Variants in CCNB1IP1 observed in about 807,000 individuals in gnomAD.
CCNB1IP1 encodes cyclin B1 interacting protein 1, also known as E3 ubiquitin-protein ligase CCNB1IP1.
CCNB1IP1 carries 14 observed loss-of-function variants against 25.6 expected under a neutral mutation model. The observed-to-expected ratio is 0.55, with a 90% CI of 0.36 to 0.85. The LOEUF is 0.85. Ranked by LOEUF, CCNB1IP1 falls within the 40% of genes least tolerant of loss-of-function variation. The probability of loss-of-function intolerance (pLI) is 0.01; values close to 1 mark genes in which losing one functional copy is unlikely to be tolerated. For missense variants in CCNB1IP1, 278 were observed against 342.4 expected (o/e 0.81, Z 1.48); for synonymous variants, 119 against 116.1 (o/e 1.02, Z -0.16).
Position 20,316,219 on chromosome 14 carries a change from G to C in CCNB1IP1, c.297+8C>G. On this transcript the variant is annotated splice_region_variant and intron_variant, in intron 5 of 6. Transcript: ENST00000358932. ...ACATGCTCAAGAGAAACTAGACTAA[G>C]CACTAACCTGATATGTCCAGAAGGC... is the stretch of plus-strand genomic sequence containing the variant. 1.2e-6 allele frequency: 2 copies of C among 1,608,868 alleles called. No individual in the cohort carries two copies. The highest frequency in any genetic ancestry group is 1.3e-5 in the African/African-American group (1 of 74,958).
chr14:20,320,846 A>C (rs1408749558), intron 4 of CCNB1IP1, among the ~76,000 whole-genome samples: 1 of 150,012 alleles, frequency 6.7e-6, no homozygotes, highest in Admixed American at 6.7e-5. Flanking sequence ...AATACTTTCC[A>C]TGAGAATCAG....
chr14:20,328,140 A>G (rs138390437), intron 2 of CCNB1IP1, among the ~76,000 whole-genome samples: 412 of 152,298 alleles, frequency 2.7e-3, no homozygotes, highest in African/African-American at 9.4e-3. Context: ...TATCATTTAA[A>G]TTTTACAACC....
At chr14:20,322,913 G>T (rs1030955883) in intron 4 of CCNB1IP1, among the ~76,000 whole-genome samples, 5 of 152,022 alleles carry the variant, frequency 3.3e-5, no homozygotes, top group Non-Finnish European at 2.9e-5. Context: ...GTGAGCCACC[G>T]CACCCAGCCA....
rs369736561 is a variant in CCNB1IP1, at chr14:20,313,616, A to T, written c.483T>A (p.Ser161=). 1.2e-6 allele frequency: 2 copies of T among 1,614,100 alleles called. No homozygotes were observed. Among genetic ancestry groups the T allele is most frequent in the Non-Finnish European group, 1.7e-6 (2 of 1,180,040 alleles). The change falls in exon 6 of 7, where the codon TCT becomes TCA. Residue 161 remains serine, a synonymous_variant. Coordinates refer to ENST00000358932, the MANE Select transcript of CCNB1IP1 (RefSeq NM_021178.5). ...EEYKKKFSDI[S]EKLMERNRQY... is the part of the protein sequence containing the mutation. The stretch of plus-strand genomic sequence containing the variant: ...GACGATTGCGCTCCATAAGTTTCTC[A>T]GAGATGTCACTGAACTTTTTCTTGT...
In CCNB1IP1 at chr14:20,313,730, C is replaced by T. The variant is rs748562394; in HGVS notation, c.369G>A (p.Lys123=). The part of the protein sequence containing the change: ...KAEGHLKQME[K]IYTQQIQSKD... ...TGCTTTGTATTTGCTGAGTATATAT[C>T]TTCTCCATCTGTTTCAGATGGCCCT... The change falls in exon 6 of 7, where the codon AAG becomes AAA. Residue 123 remains lysine (K), a synonymous_variant. Transcript: ENST00000358932. The T allele has an allele frequency of 1.2e-6, 2 of 1,613,342 alleles. No homozygotes were observed. The highest frequency in any genetic ancestry group is 1.3e-5 in the African/African-American group (1 of 74,870).
chr14:20,314,571 C>T (rs1463140664), intron 5 of CCNB1IP1: 1 of 152,062 alleles, frequency 6.6e-6, no homozygotes, highest in Non-Finnish European at 1.5e-5. Flanking sequence ...TTAAAATACA[C>T]CAAAGGTATA....
chr14:20,311,958 A>T (rs1040430330), intron 6 of CCNB1IP1, among the ~76,000 whole-genome samples: 2 of 152,236 alleles, frequency 1.3e-5, no homozygotes, highest in African/African-American at 4.8e-5. Flanking sequence ...AAAAAATATA[A>T]CTGAAATATT....
intron 4 of CCNB1IP1, among the ~76,000 whole-genome samples, chr14:20,322,483 T>C (rs1318613492): frequency 6.6e-6 from 1 of 152,152 alleles, no homozygotes; most frequent in Non-Finnish European, 1.5e-5. Flanking sequence ...GAAAATATTA[T>C]TTTATTCTTT....
At chr14:20,316,025 T>TG in intron 5 of CCNB1IP1, among the ~76,000 whole-genome samples, 1 of 152,238 alleles carries the variant, frequency 6.6e-6, no homozygotes, top group Non-Finnish European at 1.5e-5. Context: ...TGGTTATCTC[T>TG]GAGTGATGGA....
chr14:20,331,154 A>G lies in CCNB1IP1; in HGVS notation c.-430-1781T>C, dbSNP rs1020355385. Among the ~76,000 whole-genome samples the G allele has an allele frequency of 2.6e-5, 4 of 152,270 alleles. No homozygotes were observed. The East Asian group carries it at 5.8e-4, about 22-fold the overall frequency. Reference sequence around the variant, plus strand: ...AATACATTTCAGCTTTTCCTAACTTAATACTAAAATATGCCCTCAACACCA... The same window carrying G: ...AATACATTTCAGCTTTTCCTAACTTGATACTAAAATATGCCCTCAACACCA... On this transcript the variant is annotated intron_variant, in intron 1 of 6. Coordinates refer to ENST00000358932, the MANE Select transcript of CCNB1IP1 (RefSeq NM_021178.5).
chr14:20,311,761 G>A lies in CCNB1IP1; in HGVS notation c.632-9C>T. The A allele has an allele frequency of 6.3e-7, 1 of 1,578,830 alleles. No individual in the cohort carries two copies. Among genetic ancestry groups the A allele is most frequent in the Non-Finnish European group, 8.7e-7 (1 of 1,153,954 alleles). On this transcript the variant is annotated splice_polypyrimidine_tract_variant and intron_variant, in intron 6 of 6. Coordinates refer to ENST00000358932, the MANE Select transcript of CCNB1IP1 (RefSeq NM_021178.5). ...AAACTTGGAGTTGTTACCTAGGGCA[G>A]AAAAAAAGGAAAAACATAATTTTAT... is the stretch of plus-strand genomic sequence containing the variant.
intron 4 of CCNB1IP1, among the ~76,000 whole-genome samples, 197 bp from the exon 5 acceptor site, chr14:20,316,757 G>A (rs61995511): frequency 0.022 from 3,373 of 152,196 alleles, 61 homozygotes; most frequent in Middle Eastern, 0.037. Flanking sequence ...TTCTAAAAAC[G>A]CTTTAAGGAC....
chr14:20,316,411 C>T lies in CCNB1IP1; in HGVS notation c.113G>A (p.Ser38Asn). 1 of 1,614,006 alleles carries T rather than the reference C, an allele frequency of 6.2e-7. No homozygotes were observed. The highest frequency in any genetic ancestry group is 8.5e-7 in the Non-Finnish European group (1 of 1,179,922). ...CSHIFCDQHG[S>N]GEFSRSPAIC... ...AGCTGGTGAGCGACTAAACTCACCACTGCCATGCTGATCACAGAAGATGTG... is the reference window on the plus strand; with the variant it reads ...AGCTGGTGAGCGACTAAACTCACCATTGCCATGCTGATCACAGAAGATGTG... The change falls in exon 5 of 7, where the codon AGT becomes AAT. Residue 38 changes from serine (S) to asparagine (N), a missense_variant. By Grantham distance (46) the Ser-to-Asn change is conservative (BLOSUM62 1). Transcript: ENST00000358932.
rs1882476531 is a variant in CCNB1IP1, at chr14:20,311,475, CCT to C, written c.*73_*74del. 2.3e-6 allele frequency: 3 copies of C among 1,300,288 alleles called. No homozygotes were observed. Among genetic ancestry groups the C allele is most frequent in the Non-Finnish European group, 3.3e-6 (3 of 899,362 alleles). The allele number at this position is 1,300,288 out of a possible 1,614,324, so 80.5% of individuals were successfully genotyped here. A position where few individuals can be genotyped will look rare whatever the true frequency, so the allele number is the denominator to read the frequency against. ...TCTTAGATCACTAAAGCCTCAGACT[CCT>C]GGGCTCAAGTGATCCTCCCAGCCTC... On this transcript the variant is annotated 3_prime_UTR_variant, in exon 7 of 7. Transcript: ENST00000358932.
At chr14:20,315,544 T>C in intron 5 of CCNB1IP1, 1 of 1,244,176 alleles carries the variant, frequency 8.0e-7, no homozygotes, top group Non-Finnish European at 1.0e-6. Context: ...GAAGTATAAG[T>C]GTATATGTAA....
intron 4 of CCNB1IP1, among the ~76,000 whole-genome samples, chr14:20,321,175 T>C (rs1404470410): frequency 6.6e-6 from 1 of 151,892 alleles, no homozygotes; most frequent in Non-Finnish European, 1.5e-5. Context: ...AGAATCTATA[T>C]AGAGAAAAGC....
At chr14:20,311,872 G>GA (rs970088864) in intron 6 of CCNB1IP1, 120 bp from the exon 7 acceptor site, 9 of 543,014 alleles carry the variant, frequency 1.7e-5, no homozygotes, top group Non-Finnish European at 2.3e-5. Flanking sequence ...ATTTGTCTTA[G>GA]AAAAAAACAG....
chr14:20,318,019 T>C (rs1002144185), intron 4 of CCNB1IP1: 1 of 152,256 alleles, frequency 6.6e-6, no homozygotes, highest in Non-Finnish European at 1.5e-5. Context: ...ACAGCTGTAA[T>C]TGGACAGCTG....
At chr14:20,332,381 AC>A (rs1883279473) in intron 1 of CCNB1IP1, among the ~76,000 whole-genome samples, 2 of 130,868 alleles carry the variant, frequency 1.5e-5, no homozygotes, top group South Asian at 5.2e-4. Flanking sequence ...CAGTGAAATG[AC>A]ATTGAAGGTC....
Sources: gnomAD v4.1 joint callset for allele counts (sites outside exome capture counted in the v4.1 genomes callset) on GRCh38, gnomAD v4.1.1 for gene constraint, MANE v1.5 for transcripts, NCBI Gene and HGNC (gene_info 2026-07-23, HGNC 2026-07-21) for gene names.